PI4K2B: variants seen among roughly 807,000 people sequenced by gnomAD.
PI4K2B encodes the protein phosphatidylinositol 4-kinase type 2 beta.
A neutral mutation model predicts 56.6 loss-of-function variants in PI4K2B; 46 were observed. The observed-to-expected ratio is 0.81, with a 90% CI of 0.64 to 1.04. The LOEUF (loss-of-function observed/expected upper bound fraction) is 1.04, where lower values mean the gene tolerates loss of function less well. Among genes scored for constraint, PI4K2B ranks in the 50% least tolerant of loss-of-function variants. The pLI, the probability that PI4K2B is intolerant of heterozygous loss-of-function variation, is 0.00. For missense variants in PI4K2B, 556 were observed against 607.7 expected, an observed-to-expected ratio of 0.91 and a Z score of 0.89; for synonymous variants, 211 against 223.8, an observed-to-expected ratio of 0.94 and a Z score of 0.51.
intron 9 of PI4K2B, among the ~76,000 whole-genome samples, chr4:25,269,782 C>A (rs188044519): frequency 6.6e-6 from 1 of 151,538 alleles, no homozygotes; most frequent in Admixed American, 6.6e-5. Flanking sequence ...GGAACGATCT[C>A]GGCTCACTGC....
At chr4:25,242,723 T>A (rs1204940158) in intron 1 of PI4K2B, among the ~76,000 whole-genome samples, 4 of 152,212 alleles carry the variant, frequency 2.6e-5, no homozygotes, top group African/African-American at 4.8e-5. Flanking sequence ...TTATGAGTTT[T>A]AGGCCTTACC....
At chr4:25,235,032 C>T (rs1457337600) in intron 1 of PI4K2B, among the ~76,000 whole-genome samples, 2 of 152,220 alleles carry the variant, frequency 1.3e-5, no homozygotes, top group Admixed American at 6.5e-5. Context: ...CGAAAAACCT[C>T]TTTTCGCTAT....
chr4:25,276,241 T>C (rs1272218194), intron 9 of PI4K2B: 1 of 167,568 alleles, frequency 6.0e-6, no homozygotes, highest in Non-Finnish European at 1.2e-5. Context: ...GAATAATCTA[T>C]GTATTGTGTT....
chr4:25,246,001 G>A (rs965030202), intron 1 of PI4K2B, among the ~76,000 whole-genome samples: 8 of 152,004 alleles, frequency 5.3e-5, no homozygotes, highest in Admixed American at 1.3e-4. Context: ...GTTCTTAAAC[G>A]CAGTGTGTCC....
intron 9 of PI4K2B, among the ~76,000 whole-genome samples, chr4:25,273,104 A>T (rs979831449): frequency 6.8e-5 from 10 of 146,932 alleles, no homozygotes; most frequent in Admixed American, 3.5e-4. Context: ...TCTTCACATA[A>T]AGATGTGGAC....
chr4:25,266,028 CT>C (rs570733940), intron 7 of PI4K2B, among the ~76,000 whole-genome samples: 169 of 134,172 alleles, frequency 1.3e-3, no homozygotes, highest in Admixed American at 1.4e-3. Context: ...CTGGTGGCTT[CT>C]TTTTTTTTTT....
rs540685157 is a variant in PI4K2B, at chr4:25,239,228, G to A, written c.268+4797G>A. On this transcript the variant is annotated intron_variant, in intron 1 of 9. Transcript: ENST00000264864. Reference sequence around the variant, plus strand: ...ACAGGTGGAGCTGCCTGCCAGTCCCGTGCCTTGCGCCCACACTCCTCAGCC... The same window carrying A: ...ACAGGTGGAGCTGCCTGCCAGTCCCATGCCTTGCGCCCACACTCCTCAGCC... Among the ~76,000 whole-genome samples the A allele has an allele frequency of 1.2e-3, 182 of 152,260 alleles. 2 individuals carry two copies. The highest frequency in any genetic ancestry group is 3.1e-3 in the South Asian group (15 of 4,826).
intron 6 of PI4K2B, among the ~76,000 whole-genome samples, chr4:25,262,751 T>C (rs28612433): frequency 0.49 from 74,974 of 151,832 alleles, 20,121 homozygotes; most frequent in Non-Finnish European, 0.6. Flanking sequence ...AAAACAGATA[T>C]TCACAATAAT....
intron 1 of PI4K2B, among the ~76,000 whole-genome samples, chr4:25,250,063 A>G (rs1679424816): frequency 3.3e-5 from 5 of 152,160 alleles, no homozygotes; most frequent in Admixed American, 3.3e-4. Context: ...ACCAAAAAAT[A>G]CGAAAACCAG....
chr4:25,247,442 C>T (rs1419411782), intron 1 of PI4K2B, among the ~76,000 whole-genome samples: 2 of 152,196 alleles, frequency 1.3e-5, no homozygotes, highest in Non-Finnish European at 2.9e-5. Flanking sequence ...CAATAGTGAC[C>T]TGTATTAGAT....
intron 1 of PI4K2B, chr4:25,250,498 G>A (rs12645153): frequency 0.12 from 19,011 of 152,228 alleles, 1,449 homozygotes; most frequent in East Asian, 0.3. Flanking sequence ...ATGGGTACTA[G>A]GTTTAATACC....
At chr4:25,276,798 A>G in intron 9 of PI4K2B, 2 of 968,156 alleles carry the variant, frequency 2.1e-6, no homozygotes, top group Non-Finnish European at 2.4e-6. Flanking sequence ...TTTAATGCTA[A>G]TTGTGTGTGT....
chr4:25,246,931 G>A (rs961730479), intron 1 of PI4K2B, among the ~76,000 whole-genome samples: 2 of 152,234 alleles, frequency 1.3e-5, no homozygotes, highest in Non-Finnish European at 2.9e-5. Flanking sequence ...CCCAGCCCAT[G>A]CCCACCTGGA....
intron 7 of PI4K2B, among the ~76,000 whole-genome samples, chr4:25,266,267 A>T (rs1716661137): frequency 6.6e-6 from 1 of 152,206 alleles, no homozygotes; most frequent in Admixed American, 6.5e-5. Context: ...TCCTGGCTCA[A>T]GCAATCCTCC....
intron 1 of PI4K2B, among the ~76,000 whole-genome samples, chr4:25,241,438 A>G (rs1011282462): frequency 6.6e-6 from 1 of 152,204 alleles, no homozygotes. Flanking sequence ...AATCTGGACT[A>G]TAATTTGTTG....
intron 1 of PI4K2B, among the ~76,000 whole-genome samples, chr4:25,238,527 T>C (rs1051214224): frequency 3.3e-5 from 5 of 152,122 alleles, no homozygotes; most frequent in Non-Finnish European, 7.4e-5. Context: ...AGGCGGTGTG[T>C]TCGGAGTTTG....
Position 25,234,226 on chromosome 4 carries a change from G to A in PI4K2B, c.63G>A (p.Glu21=). 1.4e-6 allele frequency: 2 copies of A among 1,425,788 alleles called. No individual in the cohort carries two copies. The highest frequency in any genetic ancestry group is 3.0e-5 in the East Asian group (1 of 33,266). 88.3% of individuals were successfully genotyped at this position (1,425,788 alleles called of 1,614,324 possible). The part of the protein sequence containing the change: ...ASADGGSPEE[E]EDGEREPLLP... Reference sequence around the variant, plus strand: ...CGGACGGCGGGAGCCCGGAGGAGGAGGAGGATGGGGAGCGGGAGCCGCTGC... The same window carrying A: ...CGGACGGCGGGAGCCCGGAGGAGGAAGAGGATGGGGAGCGGGAGCCGCTGC... Residue 21 remains glutamate (E), a synonymous_variant, in exon 1 of 10, where the codon GAG becomes GAA. Coordinates refer to ENST00000264864, the MANE Select transcript of PI4K2B (RefSeq NM_018323.4).
At chr4:25,273,255 A>C (rs900578108) in intron 9 of PI4K2B, among the ~76,000 whole-genome samples, 10 of 152,198 alleles carry the variant, frequency 6.6e-5, no homozygotes, top group African/African-American at 2.4e-4. Flanking sequence ...CTTATATTCT[A>C]ATTTGGAACA....
In PI4K2B at chr4:25,258,672, G is replaced by T. The variant is rs541906353; in HGVS notation, c.757-365G>T. Among the ~76,000 whole-genome samples the T allele has an allele frequency of 2.6e-5, 4 of 152,124 alleles. No individual in the cohort carries two copies. In the East Asian group the frequency reaches 7.7e-4, roughly 29 times the overall value. On this transcript the variant is annotated intron_variant, in intron 4 of 9. Coordinates refer to ENST00000264864, the MANE Select transcript of PI4K2B (RefSeq NM_018323.4). ...CACTGTTACTGAATAAGCAGGATAGGTTTAAAATTTGGCCTCCATAATTAA... is the reference window on the plus strand; with the variant it reads ...CACTGTTACTGAATAAGCAGGATAGTTTTAAAATTTGGCCTCCATAATTAA...
Sources: gnomAD v4.1 joint callset for allele counts (sites outside exome capture counted in the v4.1 genomes callset) on GRCh38, gnomAD v4.1.1 for gene constraint, MANE v1.5 for transcripts, NCBI Gene and HGNC (gene_info 2026-07-23, HGNC 2026-07-21) for gene names.